FCHSD2: variants seen among roughly 807,000 people sequenced by gnomAD.
FCHSD2 encodes the protein F-BAR and double SH3 domains protein 2.
Under a neutral mutation model 108.1 loss-of-function variants are expected in FCHSD2, and 38 were observed. The observed-to-expected ratio is 0.35, with a 90% CI of 0.27 to 0.46. FCHSD2 has a LOEUF of 0.46. FCHSD2 is among the 20% of genes least tolerant of loss of function. The probability of loss-of-function intolerance (pLI) is 1.00; values close to 1 mark genes in which losing one functional copy is unlikely to be tolerated. For synonymous variants in FCHSD2, 279 were observed against 314.7 expected (o/e 0.89, Z 1.20); for missense variants, 751 against 897.8 (o/e 0.84, Z 2.09).
intron 8 of FCHSD2, among the ~76,000 whole-genome samples, chr11:72,922,778 A>G (rs902012323): frequency 1.3e-5 from 2 of 152,206 alleles, no homozygotes; most frequent in African/African-American, 4.8e-5. Context: ...AGAGGTAAAA[A>G]TTGAGGTAAA....
In FCHSD2 at chr11:73,142,027, C is replaced by CCAGCGGG. The variant is rs934667335; in HGVS notation, c.-157_-151dup. The CCAGCGGG allele has an allele frequency of 9.9e-6, 7 of 709,756 alleles. No homozygotes were observed. The Admixed American group carries it at 1.8e-4, about 19-fold the overall frequency. The allele number at this position is 709,756 out of a possible 1,614,324, so 44.0% of individuals were successfully genotyped here. ...CAAGACTTGCCCCGGAGGGAGCAGG[C>CCAGCGGG]CAGCGGGCGGCAGGCGGACCCCAGC... On this transcript the variant is annotated 5_prime_UTR_variant, in exon 1 of 20. Transcript: ENST00000409418.
chr11:73,133,873 G>A (rs1861061328), intron 2 of FCHSD2, among the ~76,000 whole-genome samples: 1 of 150,734 alleles, frequency 6.6e-6, no homozygotes, highest in Non-Finnish European at 1.5e-5. Flanking sequence ...GAGACAGAAA[G>A]TAGATAAGTG....
chr11:72,849,802 T>A lies in FCHSD2; in HGVS notation c.1396A>T (p.Thr466Ser). 6.2e-7 allele frequency: 1 copy of A among 1,612,922 alleles called. No individual in the cohort carries two copies. Among genetic ancestry groups the A allele is most frequent in the African/African-American group, 1.3e-5 (1 of 75,024 alleles). ...FDDSSSSPSG[T>S]LRNYPLTCKV... is the part of the protein sequence containing the mutation. ...CAGGTGAGTGGATAATTTCTTAAGGTGCCAGAAGGGCTGGAACTGCTGTCA... is the reference window on the plus strand; with the variant it reads ...CAGGTGAGTGGATAATTTCTTAAGGAGCCAGAAGGGCTGGAACTGCTGTCA... The change falls in exon 14 of 20, where the codon ACC becomes TCC. Residue 466 changes from threonine to serine, a missense_variant. Thr to Ser is a moderately conservative substitution (Grantham distance 58, BLOSUM62 1). Coordinates refer to ENST00000409418, the MANE Select transcript of FCHSD2 (RefSeq NM_014824.3).
At chr11:72,951,505 T>C (rs554885498) in intron 8 of FCHSD2, among the ~76,000 whole-genome samples, 1 of 152,344 alleles carries the variant, frequency 6.6e-6, no homozygotes, top group South Asian at 2.1e-4. Flanking sequence ...CAATAAATGT[T>C]TGCTCTGGTG....
intron 8 of FCHSD2, among the ~76,000 whole-genome samples, chr11:72,965,211 A>T (rs902745746): frequency 2.0e-5 from 3 of 151,918 alleles, no homozygotes; most frequent in African/African-American, 7.3e-5. Flanking sequence ...CTCTTGCTAC[A>T]CTCCAGCTGT....
intron 8 of FCHSD2, among the ~76,000 whole-genome samples, chr11:72,963,804 C>A (rs1323862558): frequency 6.6e-6 from 1 of 152,192 alleles, no homozygotes; most frequent in Non-Finnish European, 1.5e-5. Flanking sequence ...GGCAGTAATG[C>A]TCACTGGCCC....
chr11:72,964,695 T>C (rs996991513), intron 8 of FCHSD2, among the ~76,000 whole-genome samples: 2 of 152,180 alleles, frequency 1.3e-5, no homozygotes, highest in Admixed American at 6.5e-5. Context: ...CAGGTCTTTA[T>C]GGTAATAGCC....
chr11:72,974,925 G>A (rs1383448814), intron 8 of FCHSD2, among the ~76,000 whole-genome samples: 1 of 152,092 alleles, frequency 6.6e-6, no homozygotes, highest in South Asian at 2.1e-4. Context: ...ACAGACATTA[G>A]GTGAATCAGA....
intron 2 of FCHSD2, among the ~76,000 whole-genome samples, chr11:73,124,712 C>T (rs377330061): frequency 3.9e-4 from 59 of 151,664 alleles, no homozygotes; most frequent in African/African-American, 1.2e-3. Context: ...GCTGAGATTA[C>T]GCCACTGCAC....
intron 8 of FCHSD2, among the ~76,000 whole-genome samples, chr11:72,951,809 C>T (rs1314489178): frequency 6.6e-6 from 1 of 152,134 alleles, no homozygotes; most frequent in Non-Finnish European, 1.5e-5. Flanking sequence ...TTTATAAATT[C>T]TTAATATCTA....
intron 4 of FCHSD2, among the ~76,000 whole-genome samples, chr11:73,013,193 C>A (rs1057318419): frequency 1.4e-4 from 22 of 152,194 alleles, no homozygotes; most frequent in African/African-American, 4.8e-4. Flanking sequence ...CTCCAGTTAA[C>A]CTCTAACCCA....
intron 3 of FCHSD2, among the ~76,000 whole-genome samples, chr11:73,068,833 G>C (rs1020746903): frequency 3.3e-5 from 4 of 122,178 alleles, no homozygotes; most frequent in Non-Finnish European, 5.4e-5. Flanking sequence ...AAAAAAAAAA[G>C]AAAAAGAAAA....
At position 72,995,425 on chromosome 11, in the gene FCHSD2, G is replaced by A. The variant is rs114220643; in HGVS notation, c.387+5565C>T. On this transcript the variant is annotated intron_variant, in intron 5 of 19. Transcript: ENST00000409418. ...ATATTAAGAACCAAAAACTGGGCCA[G>A]GTGCGGTGGCTCACACCTGTAATCT... Among the ~76,000 whole-genome samples, 1,250 of 152,176 alleles carry A rather than the reference G, an allele frequency of 8.2e-3. 19 individuals carry two copies. The highest frequency in any genetic ancestry group is 0.029 in the African/African-American group (1,201 of 41,516).
intron 3 of FCHSD2, among the ~76,000 whole-genome samples, chr11:73,024,875 C>T (rs1858190794): frequency 6.6e-6 from 1 of 151,916 alleles, no homozygotes; most frequent in South Asian, 2.1e-4. Flanking sequence ...ATGCAGCCAA[C>T]AATCAAATGA....
intron 8 of FCHSD2, among the ~76,000 whole-genome samples, chr11:72,981,648 T>C (rs1357862144): frequency 1.3e-5 from 2 of 152,186 alleles, no homozygotes; most frequent in African/African-American, 2.4e-5. Flanking sequence ...CTGTTGGTCC[T>C]TGTAAGTCTG....
rs527721273 is a variant in FCHSD2, at chr11:72,953,519, C to G, written c.705+30569G>C. ...ATATATCACCTAAATCAATTTCAAC[C>G]ACATGAATTTATTGAACATGAATCC... On this transcript the variant is annotated intron_variant, in intron 8 of 19. Transcript: ENST00000409418. Among the ~76,000 whole-genome samples the G allele has an allele frequency of 1.2e-4, 19 of 152,066 alleles. No homozygotes were observed. In the East Asian group the frequency reaches 3.5e-3, roughly 28 times the overall value.
At chr11:73,141,327 G>A (rs1360920359) in intron 1 of FCHSD2, 1 of 154,558 alleles carries the variant, frequency 6.5e-6, no homozygotes, top group Non-Finnish European at 1.4e-5. Flanking sequence ...TTCCCTTGGG[G>A]TGGGGAGGCG....
rs755929012 is a variant in FCHSD2, at chr11:72,845,437, C to CA, written c.1444-1906dup. Among the ~76,000 whole-genome samples the CA allele has an allele frequency of 4.5e-3, 368 of 81,474 alleles. 3 individuals carry two copies. The highest frequency in any genetic ancestry group is 9.1e-3 in the South Asian group (18 of 1,986). The allele number at this position is 81,474 out of a possible 152,430, so 53.5% of individuals were successfully genotyped here. On this transcript the variant is annotated intron_variant, in intron 14 of 19. Transcript: ENST00000409418. ...TGGGTGACAGAGCAAGACCCTGTCT[C>CA]AAAAAAAAAAAAAAAAAAAAAAAAC...
At chr11:72,860,205 C>T (rs1861532859) in intron 13 of FCHSD2, among the ~76,000 whole-genome samples, 2 of 152,202 alleles carry the variant, frequency 1.3e-5, no homozygotes, top group Admixed American at 1.3e-4. Context: ...CTGTGTGGCT[C>T]AGTTCCTAAC....
Sources: gnomAD v4.1 joint callset for allele counts (sites outside exome capture counted in the v4.1 genomes callset) on GRCh38, gnomAD v4.1.1 for gene constraint, MANE v1.5 for transcripts, NCBI Gene and HGNC (gene_info 2026-07-23, HGNC 2026-07-21) for gene names.